CSMD1: variants seen among roughly 807,000 people sequenced by gnomAD.
CSMD1 encodes CUB and sushi domain-containing protein 1.
Under a neutral mutation model 417.5 loss-of-function variants are expected in CSMD1, and 213 were observed. The ratio of observed to expected loss-of-function variants is 0.51; its 90% CI spans 0.46 to 0.57. The LOEUF is 0.57. Among genes scored for constraint, CSMD1 ranks in the 20% least tolerant of loss-of-function variants. CSMD1 has a pLI of 0.00. For synonymous variants in CSMD1, 2,862 were observed against 1,736.8 expected (o/e 1.65, Z -16.11); for missense variants, 6,923 against 4,529.7 (o/e 1.53, Z -15.17).
chr8:3,315,522 C>T (rs539083554), intron 23 of CSMD1, among the ~76,000 whole-genome samples: 3 of 151,606 alleles, frequency 2.0e-5, no homozygotes, highest in East Asian at 1.9e-4. Flanking sequence ...CTATTGTTTT[C>T]AAATTGAGTC....
At chr8:4,676,425 G>C (rs887630050) in intron 1 of CSMD1, among the ~76,000 whole-genome samples, 1 of 152,070 alleles carries the variant, frequency 6.6e-6, no homozygotes, top group South Asian at 2.1e-4. Flanking sequence ...ACTTCTGGGA[G>C]CCTCTGCAGC....
intron 48 of CSMD1, among the ~76,000 whole-genome samples, chr8:3,089,548 T>C (rs1045889629): frequency 3.3e-5 from 5 of 152,200 alleles, no homozygotes; most frequent in African/African-American, 1.2e-4. Flanking sequence ...ATGCAACGTG[T>C]GGTCATGTGA....
At chr8:3,976,857 C>T (rs1215269724) in intron 5 of CSMD1, among the ~76,000 whole-genome samples, 1 of 152,182 alleles carries the variant, frequency 6.6e-6, no homozygotes, top group Non-Finnish European at 1.5e-5. Flanking sequence ...AACCACTGCA[C>T]TGACCAGCAC....
At chr8:3,454,443 G>C (rs1422613402) in intron 12 of CSMD1, among the ~76,000 whole-genome samples, 1 of 152,166 alleles carries the variant, frequency 6.6e-6, no homozygotes, top group Non-Finnish European at 1.5e-5. Flanking sequence ...TTTTGCAGTG[G>C]CTGGTACCGG....
intron 2 of CSMD1, among the ~76,000 whole-genome samples, chr8:4,496,449 A>G (rs911360474): frequency 3.3e-5 from 5 of 152,162 alleles, no homozygotes; most frequent in African/African-American, 4.8e-5. Flanking sequence ...TGGACATTCT[A>G]TGGAAGGCAA....
At chr8:4,321,825 G>C (rs1799288726) in intron 3 of CSMD1, among the ~76,000 whole-genome samples, 2 of 151,918 alleles carry the variant, frequency 1.3e-5, no homozygotes, top group Admixed American at 1.3e-4. Flanking sequence ...TTTTTTGGTA[G>C]TGTAGTTACA....
chr8:3,291,593 G>C (rs535466935), intron 25 of CSMD1, among the ~76,000 whole-genome samples: 14 of 152,256 alleles, frequency 9.2e-5, no homozygotes, highest in South Asian at 8.3e-4. Context: ...ATTTTTTCTA[G>C]ATATTCTAGT....
intron 2 of CSMD1, among the ~76,000 whole-genome samples, chr8:4,635,740 A>G (rs1802779399): frequency 6.6e-6 from 1 of 152,150 alleles, no homozygotes; most frequent in Non-Finnish European, 1.5e-5. Context: ...CTGGCTTTTA[A>G]AGAGCATAAA....
At chr8:4,333,418 T>C (rs1799987387) in intron 3 of CSMD1, among the ~76,000 whole-genome samples, 1 of 152,240 alleles carries the variant, frequency 6.6e-6, no homozygotes, top group East Asian at 1.9e-4. Flanking sequence ...CTCAACTACC[T>C]GTTGCCTATG....
chr8:3,968,531 A>T (rs547576914), intron 5 of CSMD1, among the ~76,000 whole-genome samples: 1,959 of 151,954 alleles, frequency 0.013, 24 homozygotes, highest in Middle Eastern at 0.027. Flanking sequence ...TGCAAATGCC[A>T]TTTTTTTTCA....
Position 4,202,149 on chromosome 8 carries a change from A to G in CSMD1, c.416-170050T>C, listed in dbSNP as rs180821167. Among the ~76,000 whole-genome samples the G allele has an allele frequency of 2.6e-5, 4 of 152,140 alleles. No individual in the cohort carries two copies. The East Asian group carries it at 5.8e-4, about 22-fold the overall frequency. On this transcript the variant is annotated intron_variant, in intron 3 of 69. Transcript: ENST00000635120. ...AAACATCTTTCAATCAGCCATTTCTAGGACGGGTGGGATGACCAGCTGTGT... is the reference window on the plus strand; with the variant it reads ...AAACATCTTTCAATCAGCCATTTCTGGGACGGGTGGGATGACCAGCTGTGT...
chr8:4,365,454 A>C (rs1026589327), intron 3 of CSMD1, among the ~76,000 whole-genome samples: 1 of 152,048 alleles, frequency 6.6e-6, no homozygotes, highest in African/African-American at 2.4e-5. Context: ...TTCTTTTTAG[A>C]TTGTCTGTTC....
chr8:3,081,185 G>C (rs74623211), intron 49 of CSMD1, among the ~76,000 whole-genome samples: 6,380 of 152,250 alleles, frequency 0.042, 157 homozygotes, highest in Middle Eastern at 0.082. Flanking sequence ...TGCCAGGTTT[G>C]ATCTTGCTCA....
At chr8:3,215,768 A>G (rs551701469) in intron 29 of CSMD1, among the ~76,000 whole-genome samples, 13 of 152,304 alleles carry the variant, frequency 8.5e-5, no homozygotes, top group African/African-American at 3.1e-4. Context: ...CCACCCTGCT[A>G]GAAATAGATA....
intron 23 of CSMD1, among the ~76,000 whole-genome samples, chr8:3,328,860 G>C (rs945304185): frequency 6.6e-6 from 1 of 152,204 alleles, no homozygotes; most frequent in Non-Finnish European, 1.5e-5. Context: ...TAAACTCTTA[G>C]TAATATCCAT....
At chr8:4,219,400 T>C (rs1800883695) in intron 3 of CSMD1, among the ~76,000 whole-genome samples, 1 of 152,220 alleles carries the variant, frequency 6.6e-6, no homozygotes, top group South Asian at 2.1e-4. Flanking sequence ...ATTTATAAAA[T>C]TAATTACAGA....
At chr8:4,692,858 G>A (rs951846745) in intron 1 of CSMD1, among the ~76,000 whole-genome samples, 1 of 152,132 alleles carries the variant, frequency 6.6e-6, no homozygotes, top group African/African-American at 2.4e-5. Flanking sequence ...CATACTGTGA[G>A]GTGCTAGACA....
At chr8:3,286,669 G>A (rs1803184887) in intron 25 of CSMD1, among the ~76,000 whole-genome samples, 1 of 128,026 alleles carries the variant, frequency 7.8e-6, no homozygotes, top group Admixed American at 7.8e-5. Flanking sequence ...CTTATTGAAG[G>A]GGTTGTTTTT....
intron 2 of CSMD1, among the ~76,000 whole-genome samples, chr8:4,566,517 G>C (rs1388985185): frequency 2.6e-5 from 4 of 151,802 alleles, no homozygotes; most frequent in African/African-American, 9.7e-5. Flanking sequence ...GCCGGGCGTG[G>C]TGGCGGGCGC....
Sources: gnomAD v4.1 joint callset for allele counts (sites outside exome capture counted in the v4.1 genomes callset) on GRCh38, gnomAD v4.1.1 for gene constraint, MANE v1.5 for transcripts, NCBI Gene and HGNC (gene_info 2026-07-23, HGNC 2026-07-21) for gene names.